GAN: variants seen among roughly 807,000 people sequenced by gnomAD.
The protein encoded by GAN is epididymis secretory sperm binding protein.
Under a neutral mutation model 71.3 loss-of-function variants are expected in GAN, and 48 were observed. The observed-to-expected ratio is 0.67, with a 90% CI of 0.53 to 0.86. The LOEUF (loss-of-function observed/expected upper bound fraction) is 0.86. Among genes scored for constraint, GAN ranks in the 40% least tolerant of loss-of-function variants. The pLI is 0.00. For missense variants in GAN, 928 were observed against 770.1 expected (o/e 1.21, Z -2.43); for synonymous variants, 386 against 276.8 (o/e 1.39, Z -3.92).
intron 1 of GAN, among the ~76,000 whole-genome samples, chr16:81,323,605 T>C (rs16955014): frequency 0.026 from 3,887 of 152,318 alleles, 84 homozygotes; most frequent in East Asian, 0.088. Context: ...TTCACAGATA[T>C]ATTTCACAGT....
chr16:81,361,162 T>A (rs551735554), intron 5 of GAN, among the ~76,000 whole-genome samples: 3 of 152,254 alleles, frequency 2.0e-5, no homozygotes, highest in African/African-American at 7.2e-5. Context: ...GAGGCAGAAG[T>A]TGCAGTGATC....
At chr16:81,333,659 TAA>T (rs1338859190) in intron 1 of GAN, among the ~76,000 whole-genome samples, 24 of 152,216 alleles carry the variant, frequency 1.6e-4, no homozygotes, top group Non-Finnish European at 7.3e-5. Context: ...TGGTTAGAAG[TAA>T]AAGTTTGTCA....
chr16:81,373,930 A>T (rs950987206), intron 9 of GAN, among the ~76,000 whole-genome samples: 1 of 152,150 alleles, frequency 6.6e-6, no homozygotes, highest in Non-Finnish European at 1.5e-5. Context: ...TTTAGTAGAG[A>T]TGAGGTTTCA....
chr16:81,377,202 A>T lies in GAN; in HGVS notation c.1503-17A>T. 1 of 1,429,992 alleles carries T rather than the reference A, an allele frequency of 7.0e-7. No individual in the cohort carries two copies. The highest frequency in any genetic ancestry group is 9.9e-7 in the Non-Finnish European group (1 of 1,012,142). The allele number at this position is 1,429,992 out of a possible 1,614,324, so 88.6% of individuals were successfully genotyped here. A position where few individuals can be genotyped will look rare whatever the true frequency, so the allele number is the denominator to read the frequency against. ...CCTTTTGATTTCCTTAATTTTGTGC[A>T]TGGGCTTTGTTTTCAGGTGGATCTA... On this transcript the variant is annotated splice_polypyrimidine_tract_variant and intron_variant, in intron 9 of 10. Transcript: ENST00000648994.
At chr16:81,367,383 GC>G (rs1910894725) in intron 9 of GAN, among the ~76,000 whole-genome samples, 1 of 151,860 alleles carries the variant, frequency 6.6e-6, no homozygotes, top group African/African-American at 2.4e-5. Flanking sequence ...AAAAAAATTA[GC>G]CAGGCATAGT....
At chr16:81,332,350 G>C (rs1244975317) in intron 1 of GAN, among the ~76,000 whole-genome samples, 3 of 152,162 alleles carry the variant, frequency 2.0e-5, no homozygotes, top group Admixed American at 2.0e-4. Context: ...GGAAAAGTTA[G>C]TTCTTGCAGC....
rs1373276078 is a variant in GAN at position 81,381,318 on chromosome 16, T to C, written c.*3722T>C. 2 of 152,198 alleles carry C rather than the reference T, an allele frequency of 1.3e-5. No homozygotes were observed. The highest frequency in any genetic ancestry group is 6.5e-5 in the Admixed American group (1 of 15,270). The allele number at this position is 152,198 out of a possible 1,614,324, so 9.4% of individuals were successfully genotyped here. On this transcript the variant is annotated 3_prime_UTR_variant, in exon 11 of 11. Transcript: ENST00000648994. ...AACACCGCAGTATCCCCTTCCAGAA[T>C]GTTGGCGTTCATGATTCAAGAGGCC...
At chr16:81,345,577 C>T (rs545007184) in intron 1 of GAN, among the ~76,000 whole-genome samples, 9 of 152,090 alleles carry the variant, frequency 5.9e-5, no homozygotes, top group East Asian at 3.9e-4. Flanking sequence ...AGGGGAACAT[C>T]GCACACTGGG....
At chr16:81,317,318 A>G (rs1249984146) in intron 1 of GAN, among the ~76,000 whole-genome samples, 1 of 152,190 alleles carries the variant, frequency 6.6e-6, no homozygotes, top group Non-Finnish European at 1.5e-5. Flanking sequence ...GCTCAGTTAT[A>G]CCTAATTGAG....
At position 81,380,104 on chromosome 16, in the gene GAN, A is replaced by G. The variant is rs544939559; in HGVS notation, c.*2508A>G. ...GTATAGGGATGTATTTAATTTTACT[A>G]TGCTCCAACATTAATCATGACTCTT... On this transcript the variant is annotated 3_prime_UTR_variant, in exon 11 of 11. Coordinates refer to ENST00000648994, the MANE Select transcript of GAN (RefSeq NM_022041.4). 2.0e-5 allele frequency: 3 copies of G among 152,732 alleles called. No individual in the cohort carries two copies. The highest frequency in any genetic ancestry group is 2.1e-4 in the South Asian group (1 of 4,830). 9.5% of individuals were successfully genotyped at this position (152,732 alleles called of 1,614,324 possible).
intron 1 of GAN, among the ~76,000 whole-genome samples, chr16:81,323,650 G>A (rs753490513): frequency 6.6e-6 from 1 of 152,192 alleles, no homozygotes; most frequent in Non-Finnish European, 1.5e-5. Context: ...GTGTTGTTTA[G>A]GGAGTTGATT....
chr16:81,317,383 A>G (rs555858850), intron 1 of GAN, among the ~76,000 whole-genome samples: 1 of 152,228 alleles, frequency 6.6e-6, no homozygotes, highest in African/African-American at 2.4e-5. Flanking sequence ...GCTTTTACTC[A>G]TATTAGCTGT....
rs1205042018 is a variant in GAN, at chr16:81,378,507, A to C, written c.*911A>C. The C allele has an allele frequency of 6.6e-6, 1 of 152,220 alleles. No homozygotes were observed. The highest frequency in any genetic ancestry group is 1.5e-5 in the Non-Finnish European group (1 of 68,034). 9.4% of individuals were successfully genotyped at this position (152,220 alleles called of 1,614,324 possible). On this transcript the variant is annotated 3_prime_UTR_variant, in exon 11 of 11. Coordinates refer to ENST00000648994, the MANE Select transcript of GAN (RefSeq NM_022041.4). ...GTCTGCTGTGGCTAAAAAAGCAAAA[A>C]CAAAAAAGCTATCCAGACAAAATAC... is the stretch of plus-strand genomic sequence containing the variant.
intron 6 of GAN, among the ~76,000 whole-genome samples, 193 bp from the exon 7 acceptor site, chr16:81,363,601 C>G (rs533286602): frequency 6.6e-6 from 1 of 152,326 alleles, no homozygotes; most frequent in Non-Finnish European, 1.5e-5. Context: ...AATCCAGTCT[C>G]CCAGGTACCA....
At chr16:81,340,187 C>T (rs1193761106) in intron 1 of GAN, among the ~76,000 whole-genome samples, 1 of 152,176 alleles carries the variant, frequency 6.6e-6, no homozygotes. Flanking sequence ...AGTCCTCTCA[C>T]CTCAGCCTTA....
At chr16:81,361,905 C>G (rs1314303515) in intron 5 of GAN, among the ~76,000 whole-genome samples, 1 of 152,152 alleles carries the variant, frequency 6.6e-6, no homozygotes, top group Admixed American at 6.5e-5. Context: ...GTGTTGCCTC[C>G]TATGAACCTC....
chr16:81,379,386 G>A lies in GAN; in HGVS notation c.*1790G>A, dbSNP rs555380101. 6.6e-6 allele frequency: 1 copy of A among 152,224 alleles called. No individual in the cohort carries two copies. Among genetic ancestry groups the A allele is most frequent in the Admixed American group, 6.5e-5 (1 of 15,280 alleles). The allele number at this position is 152,224 out of a possible 1,614,324, so 9.4% of individuals were successfully genotyped here. ...AGCCAGAAGATACCTGATAAGAGAA[G>A]GTGTAAGGTTTTTATCTTATATGCC... On this transcript the variant is annotated 3_prime_UTR_variant, in exon 11 of 11. Transcript: ENST00000648994.
At chr16:81,363,051 C>A (rs1292635989) in intron 6 of GAN, among the ~76,000 whole-genome samples, 2 of 152,232 alleles carry the variant, frequency 1.3e-5, no homozygotes, top group African/African-American at 4.8e-5. Flanking sequence ...ATTTTCAGCA[C>A]TAGAATCGTG....
intron 1 of GAN, among the ~76,000 whole-genome samples, chr16:81,350,632 C>T (rs372640583): frequency 4.1e-4 from 62 of 151,792 alleles, no homozygotes; most frequent in African/African-American, 1.2e-3. Flanking sequence ...TTTTGTGCCT[C>T]AGCCTCCTGA....
Sources: allele counts gnomAD v4.1 joint callset (sites outside exome capture counted in the v4.1 genomes callset), GRCh38; gene constraint gnomAD v4.1.1; transcripts MANE v1.5; gene names NCBI Gene and HGNC (gene_info 2026-07-23, HGNC 2026-07-21).